Variants in PDE4D observed in about 807,000 individuals in gnomAD.
The protein encoded by PDE4D is 3',5'-cyclic-AMP phosphodiesterase 4D.
In PDE4D, 24 loss-of-function variants were observed where a neutral mutation model predicts 87.4. The observed-to-expected ratio is 0.27, with a 90% confidence interval of 0.20 to 0.39. The LOEUF (loss-of-function observed/expected upper bound fraction) is 0.39. PDE4D is among the 10% of genes least tolerant of loss of function. PDE4D has a pLI of 1.00. For synonymous variants in PDE4D, 384 were observed against 383.2 expected (o/e 1.00, Z -0.02); for missense variants, 714 against 1,041.0 (o/e 0.69, Z 4.32).
chr5:59,978,408 C>T (rs977277071), intron 3 of PDE4D, among the ~76,000 whole-genome samples: 4 of 152,128 alleles, frequency 2.6e-5, no homozygotes, highest in Admixed American at 2.6e-4. Context: ...AAAGTAACTG[C>T]AGATGTGCTG....
At chr5:60,187,899 C>A (rs1252949367) in intron 1 of PDE4D, among the ~76,000 whole-genome samples, 1 of 152,084 alleles carries the variant, frequency 6.6e-6, no homozygotes, top group African/African-American at 2.4e-5. Flanking sequence ...TCCAGATCTA[C>A]AAAAGAAAGA....
intron 2 of PDE4D, among the ~76,000 whole-genome samples, chr5:60,042,002 G>A (rs545131880): frequency 4.6e-5 from 7 of 151,944 alleles, no homozygotes; most frequent in Non-Finnish European, 8.8e-5. Flanking sequence ...GGAGCCAAGT[G>A]GTCTAGCTCA....
intron 1 of PDE4D, among the ~76,000 whole-genome samples, chr5:60,505,094 A>G (rs1750265543): frequency 6.6e-6 from 1 of 152,266 alleles, no homozygotes; most frequent in South Asian, 2.1e-4. Context: ...GGGGCTTTGG[A>G]TAACTCCCTA....
At chr5:59,467,352 G>A (rs1442090451) in intron 1 of PDE4D, among the ~76,000 whole-genome samples, 1 of 152,114 alleles carries the variant, frequency 6.6e-6, no homozygotes, top group African/African-American at 2.4e-5. Flanking sequence ...GTTGAATATA[G>A]ACAAAAACTA....
chr5:59,163,143 A>C (rs888459281), intron 5 of PDE4D, among the ~76,000 whole-genome samples: 1 of 137,914 alleles, frequency 7.3e-6, no homozygotes, highest in Non-Finnish European at 1.5e-5. Context: ...CGGGGGTTTC[A>C]CCATGTTGCC....
At chr5:60,390,646 T>TAAAA (rs35911590) in intron 1 of PDE4D, among the ~76,000 whole-genome samples, 1 of 138,698 alleles carries the variant, frequency 7.2e-6, no homozygotes, top group Non-Finnish European at 1.6e-5. Flanking sequence ...AATGATAATT[T>TAAAA]AAAAAAAAAA....
intron 2 of PDE4D, among the ~76,000 whole-genome samples, chr5:60,155,815 T>C (rs1582895735): frequency 7.7e-5 from 3 of 39,116 alleles, no homozygotes; most frequent in Non-Finnish European, 1.9e-4. Context: ...GTCCAAGAAT[T>C]AAGGTGTGTT....
At chr5:60,426,370 G>A (rs960748393) in intron 1 of PDE4D, among the ~76,000 whole-genome samples, 1 of 152,202 alleles carries the variant, frequency 6.6e-6, no homozygotes, top group Admixed American at 6.5e-5. Context: ...ATGAGTTCAT[G>A]TCCTTTTCAG....
chr5:59,227,883 C>T (rs552888646), intron 1 of PDE4D, among the ~76,000 whole-genome samples: 50 of 152,266 alleles, frequency 3.3e-4, no homozygotes, highest in African/African-American at 1.2e-3. Context: ...CCATTCAACT[C>T]AGCAATCAAA....
In PDE4D at chr5:60,324,169, G is replaced by C. The variant is rs527379952; in HGVS notation, c.-89-138482C>G. On this transcript the variant is annotated intron_variant, in intron 1 of 16. Coordinates refer to the PDE4D transcript ENST00000502484. ...ATTGCAAACACTCAAAAGAATTTTT[G>C]TTGGGTGAATGAACAAATGAATAAA... Among the ~76,000 whole-genome samples the C allele has an allele frequency of 3.2e-3, 492 of 152,264 alleles. 2 individuals are homozygous for C. The highest frequency in any genetic ancestry group is 5.4e-3 in the Non-Finnish European group (367 of 68,022).
intron 3 of PDE4D, among the ~76,000 whole-genome samples, chr5:59,905,905 T>C (rs1361311625): frequency 6.6e-6 from 1 of 152,136 alleles, no homozygotes; most frequent in African/African-American, 2.4e-5. Context: ...GCAATGAATA[T>C]TTTAGTGAGA....
intron 1 of PDE4D, among the ~76,000 whole-genome samples, chr5:59,664,807 C>T (rs1445273901): frequency 6.6e-5 from 10 of 152,082 alleles, no homozygotes; most frequent in Non-Finnish European, 1.3e-4. Context: ...AGAAATTCAG[C>T]TTCTTAAATG....
chr5:60,106,764 T>C (rs993469550), intron 2 of PDE4D, among the ~76,000 whole-genome samples: 7 of 151,548 alleles, frequency 4.6e-5, no homozygotes, highest in African/African-American at 1.7e-4. Context: ...GACTACTGGG[T>C]ACATAACGAA....
At chr5:60,371,122 A>G (rs1760991584) in intron 1 of PDE4D, among the ~76,000 whole-genome samples, 2 of 152,240 alleles carry the variant, frequency 1.3e-5, no homozygotes, top group Non-Finnish European at 2.9e-5. Context: ...ACAGGCAAAA[A>G]TTAAACAAGG....
intron 1 of PDE4D, among the ~76,000 whole-genome samples, chr5:60,268,403 T>C (rs1439356804): frequency 6.6e-6 from 1 of 152,168 alleles, no homozygotes; most frequent in East Asian, 1.9e-4. Flanking sequence ...AGGAAAAGCT[T>C]TGGCACTACT....
At chr5:59,906,674 C>T (rs1194492152) in intron 3 of PDE4D, among the ~76,000 whole-genome samples, 1 of 152,020 alleles carries the variant, frequency 6.6e-6, no homozygotes, top group Non-Finnish European at 1.5e-5. Flanking sequence ...AATAAAAAAG[C>T]TCAATATCAC....
intron 6 of PDE4D, among the ~76,000 whole-genome samples, chr5:58,995,275 C>T (rs988514544): frequency 2.6e-5 from 4 of 152,082 alleles, no homozygotes; most frequent in African/African-American, 9.7e-5. Flanking sequence ...TGGAAGATAA[C>T]CACAGATAAT....
Position 60,123,907 on chromosome 5 carries a change from CA to C in PDE4D, c.42+61649del, listed in dbSNP as rs145369002. On this transcript the variant is annotated intron_variant, in intron 2 of 16. Coordinates refer to the PDE4D transcript ENST00000502484. The stretch of plus-strand genomic sequence containing the variant: ...ATAAATTAAACAATTACCCCACAAC[CA>C]AATAATACTGCATGGAAATCTTTCA... Among the ~76,000 whole-genome samples, 641 of 152,178 alleles carry C rather than the reference CA, an allele frequency of 4.2e-3. 4 individuals are homozygous for C. The highest frequency in any genetic ancestry group is 6.7e-3 in the Non-Finnish European group (457 of 68,002).
At chr5:59,958,949 T>C (rs911640470) in intron 3 of PDE4D, among the ~76,000 whole-genome samples, 1 of 152,102 alleles carries the variant, frequency 6.6e-6, no homozygotes, top group Non-Finnish European at 1.5e-5. Context: ...AAACCTAATG[T>C]CTCCACCAAA....
Sources: gnomAD v4.1 joint callset for allele counts (sites outside exome capture counted in the v4.1 genomes callset) on GRCh38, gnomAD v4.1.1 for gene constraint, MANE v1.5 for transcripts, NCBI Gene and HGNC (gene_info 2026-07-23, HGNC 2026-07-21) for gene names.